The following SNTB1 variants were observed in gnomAD, a reference collection of about 807,000 sequenced individuals.
SNTB1 encodes the protein beta-1-syntrophin.
SNTB1 carries 36 observed loss-of-function variants against 48.9 expected under a neutral mutation model. That is an observed-to-expected ratio of 0.74 (90% CI 0.56 to 0.97). The LOEUF (loss-of-function observed/expected upper bound fraction) is 0.97. Ranked by LOEUF, SNTB1 falls within the 50% of genes least tolerant of loss-of-function variation. SNTB1 has a pLI of 0.00. For synonymous variants in SNTB1, 299 were observed against 294.6 expected, an observed-to-expected ratio of 1.01 and a Z score of -0.15; for missense variants, 786 against 703.4, an observed-to-expected ratio of 1.12 and a Z score of -1.33.
At chr8:120,628,898 C>A (rs1198246130) in intron 3 of SNTB1, among the ~76,000 whole-genome samples, 1 of 152,154 alleles carries the variant, frequency 6.6e-6, no homozygotes, top group African/African-American at 2.4e-5. Context: ...GTGGCACACA[C>A]TTGTAGTCCC....
intron 1 of SNTB1, among the ~76,000 whole-genome samples, chr8:120,767,655 C>G (rs1819549392): frequency 6.6e-6 from 1 of 152,212 alleles, no homozygotes; most frequent in African/African-American, 2.4e-5. Context: ...CTTTGTTCTT[C>G]TTCCTCCTCA....
At position 120,695,847 on chromosome 8, in the gene SNTB1, A is replaced by C. The variant is rs893730904; in HGVS notation, c.572-1939T>G. ...TTTAGTTGAATATAAGTGCAATTAG[A>C]AGAAAAGAGCTCCATGGTTGCTCCA... On this transcript the variant is annotated intron_variant, in intron 1 of 6. Transcript: ENST00000517992. 2.0e-5 allele frequency among the ~76,000 whole-genome samples: 3 copies of C among 152,334 alleles called. No individual in the cohort carries two copies. The South Asian group carries it at 6.2e-4, about 32-fold the overall frequency.
intron 1 of SNTB1, among the ~76,000 whole-genome samples, chr8:120,706,197 C>A (rs1818373619): frequency 6.6e-6 from 1 of 152,110 alleles, no homozygotes; most frequent in South Asian, 2.1e-4. Flanking sequence ...AAATGCATTG[C>A]AAGGATGTCT....
At chr8:120,549,412 G>T (rs1249844423) in intron 4 of SNTB1, among the ~76,000 whole-genome samples, 1 of 152,148 alleles carries the variant, frequency 6.6e-6, no homozygotes, top group Non-Finnish European at 1.5e-5. Flanking sequence ...TCTGGGTATG[G>T]AATTTTTCAT....
chr8:120,643,350 G>C (rs1817229450), intron 2 of SNTB1, among the ~76,000 whole-genome samples: 1 of 152,194 alleles, frequency 6.6e-6, no homozygotes, highest in Non-Finnish European at 1.5e-5. Flanking sequence ...GGTGATGTCT[G>C]AGATTTTGGT....
chr8:120,717,922 A>G (rs1483881196), intron 1 of SNTB1, among the ~76,000 whole-genome samples: 1 of 152,218 alleles, frequency 6.6e-6, no homozygotes, highest in Non-Finnish European at 1.5e-5. Context: ...AGATGGAAGA[A>G]AAGAGGTACT....
At chr8:120,784,081 C>T (rs113343599) in intron 1 of SNTB1, among the ~76,000 whole-genome samples, 2,285 of 152,148 alleles carry the variant, frequency 0.015, 31 homozygotes, top group Non-Finnish European at 0.026. Flanking sequence ...GCAACCTCCA[C>T]CTCCTGGGTT....
Position 120,796,499 on chromosome 8 carries a change from A to G in SNTB1, c.571+14774T>C, listed in dbSNP as rs1820122100. On this transcript the variant is annotated intron_variant, in intron 1 of 6. Coordinates refer to ENST00000517992, the MANE Select transcript of SNTB1 (RefSeq NM_021021.4). ...AGTAGAAAGCCTGGAGAGGAGAGCC[A>G]TAAATCAACAACACAGGTCTGGAGT... Among the ~76,000 whole-genome samples the G allele has an allele frequency of 2.0e-5, 3 of 152,042 alleles. No individual in the cohort carries two copies. In the South Asian group the frequency reaches 6.2e-4, roughly 31 times the overall value.
Position 120,801,789 on chromosome 8 carries a change from C to G in SNTB1, c.571+9484G>C, listed in dbSNP as rs1445314325. Among the ~76,000 whole-genome samples, 3 of 152,086 alleles carry G rather than the reference C, an allele frequency of 2.0e-5. No homozygotes were observed. The South Asian group carries it at 6.2e-4, about 32-fold the overall frequency. On this transcript the variant is annotated intron_variant, in intron 1 of 6. Transcript: ENST00000517992. ...CCTATCGTTTGTCCGGGGGCCTCCC[C>G]ACCTGAGACCACTTTAAATTAAATT...
At chr8:120,560,266 TG>T (rs1415354536) in intron 4 of SNTB1, among the ~76,000 whole-genome samples, 1 of 152,210 alleles carries the variant, frequency 6.6e-6, no homozygotes, top group Non-Finnish European at 1.5e-5. Context: ...GCAGATCACC[TG>T]AAGTCAGGAG....
rs907263832 is a variant in SNTB1, at chr8:120,665,280, C to T, written c.788+28412G>A. On this transcript the variant is annotated intron_variant, in intron 2 of 6. Transcript: ENST00000517992. ...CAGCCTGGCCAACATAGTGAAACCC[C>T]GTCTCTACTAAAAATACAAAAATTA... Among the ~76,000 whole-genome samples, 11 of 152,032 alleles carry T rather than the reference C, an allele frequency of 7.2e-5. No homozygotes were observed. The East Asian group carries it at 1.9e-3, about 27-fold the overall frequency.
intron 1 of SNTB1, among the ~76,000 whole-genome samples, chr8:120,794,768 A>C (rs1398526896): frequency 6.6e-6 from 1 of 151,978 alleles, no homozygotes; most frequent in African/African-American, 2.4e-5. Context: ...GTTCCTCTAA[A>C]ATTGGTGAGA....
At chr8:120,628,577 C>A (rs950508774) in intron 3 of SNTB1, among the ~76,000 whole-genome samples, 3 of 152,190 alleles carry the variant, frequency 2.0e-5, no homozygotes, top group African/African-American at 7.2e-5. Flanking sequence ...GCCAACAGAG[C>A]AAAACCCCAT....
chr8:120,729,947 G>A (rs1189082165), intron 1 of SNTB1, among the ~76,000 whole-genome samples: 1 of 150,618 alleles, frequency 6.6e-6, no homozygotes. Context: ...CATGACTGTG[G>A]CATCAGGTCA....
intron 1 of SNTB1, among the ~76,000 whole-genome samples, chr8:120,779,230 C>T (rs376460141): frequency 2.0e-5 from 3 of 152,280 alleles, no homozygotes; most frequent in East Asian, 1.9e-4. Context: ...TAAGGCTGGG[C>T]GTGGTGGCTC....
chr8:120,766,485 C>T (rs1819526734), intron 1 of SNTB1, among the ~76,000 whole-genome samples: 1 of 152,060 alleles, frequency 6.6e-6, no homozygotes, highest in East Asian at 1.9e-4. Flanking sequence ...TTTATAATCA[C>T]CCACTCTCCT....
intron 1 of SNTB1, among the ~76,000 whole-genome samples, chr8:120,809,220 G>A (rs952011634): frequency 6.6e-6 from 1 of 152,200 alleles, no homozygotes; most frequent in Non-Finnish European, 1.5e-5. Context: ...GCTGTTTTGA[G>A]CAGGGCCTCC....
chr8:120,738,315 C>T (rs1203380939), intron 1 of SNTB1, among the ~76,000 whole-genome samples: 1 of 152,140 alleles, frequency 6.6e-6, no homozygotes, highest in Non-Finnish European at 1.5e-5. Context: ...ATGAAGACAT[C>T]AACTTTTCCT....
chr8:120,659,443 C>T (rs757937157), intron 2 of SNTB1, among the ~76,000 whole-genome samples: 7 of 152,152 alleles, frequency 4.6e-5, no homozygotes, highest in Non-Finnish European at 8.8e-5. Flanking sequence ...TCAGGTCCCA[C>T]TTATAATTTT....
Sources: gnomAD v4.1 joint callset for allele counts (sites outside exome capture counted in the v4.1 genomes callset) on GRCh38, gnomAD v4.1.1 for gene constraint, MANE v1.5 for transcripts, NCBI Gene and HGNC (gene_info 2026-07-23, HGNC 2026-07-21) for gene names.